Variants in FIBCD1 observed in about 807,000 individuals in gnomAD.
The protein encoded by FIBCD1 is fibrinogen C domain-containing protein 1.
Under a neutral mutation model 45.1 loss-of-function variants are expected in FIBCD1, and 47 were observed. The ratio of observed to expected loss-of-function variants is 1.04; its 90% CI spans 0.82 to 1.33. The LOEUF (loss-of-function observed/expected upper bound fraction) is 1.33. Ranked by LOEUF, FIBCD1 falls within the 40% of genes most tolerant of loss-of-function variation. The probability of loss-of-function intolerance (pLI) is 0.00; values close to 1 mark genes in which losing one functional copy is unlikely to be tolerated. For synonymous variants in FIBCD1, 313 were observed against 308.1 expected (o/e 1.02, Z -0.17); for missense variants, 653 against 682.2 (o/e 0.96, Z 0.48).
intron 2 of FIBCD1, among the ~76,000 whole-genome samples, chr9:130,925,760 T>A (rs1010975080): frequency 6.6e-5 from 10 of 152,010 alleles, no homozygotes; most frequent in African/African-American, 2.2e-4. Context: ...CAGGACCACG[T>A]GGAGGGTGAG....
chr9:130,915,885 A>T (rs1832150230), intron 4 of FIBCD1, among the ~76,000 whole-genome samples: 1 of 152,198 alleles, frequency 6.6e-6, no homozygotes, highest in African/African-American at 2.4e-5. Flanking sequence ...ACACAGGCAC[A>T]CGCATCCAGA....
intron 6 of FIBCD1, among the ~76,000 whole-genome samples, chr9:130,904,852 C>T (rs1476242455): frequency 1.3e-5 from 2 of 152,198 alleles, no homozygotes; most frequent in Non-Finnish European, 2.9e-5. Context: ...CCCCAGAGGG[C>T]CGAAGGGCAT....
chr9:130,921,843 AT>A (rs1041134316), intron 4 of FIBCD1, among the ~76,000 whole-genome samples: 1 of 152,228 alleles, frequency 6.6e-6, no homozygotes, highest in East Asian at 1.9e-4. Flanking sequence ...GCTCCAGTAC[AT>A]TTTTAAAAGC....
At chr9:130,925,337 G>A (rs1342122743) in intron 2 of FIBCD1, among the ~76,000 whole-genome samples, 2 of 152,184 alleles carry the variant, frequency 1.3e-5, no homozygotes, top group African/African-American at 4.8e-5. Context: ...TCCCTAGGGC[G>A]GGCTGGCAGG....
intron 4 of FIBCD1, among the ~76,000 whole-genome samples, chr9:130,912,331 G>A (rs1280100431): frequency 3.3e-5 from 5 of 150,504 alleles, no homozygotes; most frequent in Non-Finnish European, 5.9e-5. Context: ...CCTTGAGCCC[G>A]GGAGGTTAAA....
intron 4 of FIBCD1, among the ~76,000 whole-genome samples, chr9:130,917,994 G>A (rs748311266): frequency 2.0e-5 from 3 of 152,174 alleles, no homozygotes; most frequent in East Asian, 1.9e-4. Context: ...ACAGCACCCC[G>A]TGTGTGCTCG....
Position 130,923,826 on chromosome 9 carries a change from C to T in FIBCD1, c.767G>A (p.Gly256Asp). 1 of 1,612,920 alleles carries T rather than the reference C, an allele frequency of 6.2e-7. No homozygotes were observed. The highest frequency in any genetic ancestry group is 1.7e-5 in the Admixed American group (1 of 60,022). The stretch of plus-strand genomic sequence containing the variant: ...GTGGGTGGGAAAGACAGAGTAGACG[C>T]CATCGTCCTGCTGTCCGCTTAGGAG... ...DVLLSGQQDD[G>D]VYSVFPTHYP... Residue 256 changes from glycine (G) to aspartate (D), a missense_variant, in exon 4 of 7, where the codon GGC becomes GAC. Gly to Asp is a moderately conservative substitution (Grantham distance 94). Coordinates refer to ENST00000372338, the MANE Select transcript of FIBCD1 (RefSeq NM_032843.5).
At chr9:130,927,053 C>G (rs1832373703) in intron 2 of FIBCD1, among the ~76,000 whole-genome samples, 1 of 151,808 alleles carries the variant, frequency 6.6e-6, no homozygotes, top group African/African-American at 2.4e-5. Context: ...GCCTGAGCAC[C>G]ATAGCAAGAC....
chr9:130,930,215 CAGAG>C (rs1832424625), intron 1 of FIBCD1, among the ~76,000 whole-genome samples, 169 bp from the exon 2 acceptor site: 1 of 152,122 alleles, frequency 6.6e-6, no homozygotes, highest in Non-Finnish European at 1.5e-5. Flanking sequence ...CAAGGGGAGA[CAGAG>C]AGACAGGGAC....
intron 1 of FIBCD1, among the ~76,000 whole-genome samples, chr9:130,934,261 G>A (rs956921000): frequency 1.3e-5 from 2 of 152,196 alleles, no homozygotes; most frequent in Non-Finnish European, 2.9e-5. Context: ...GGCCCTGGCA[G>A]AGGGAGGGTC....
At chr9:130,905,145 C>T in intron 6 of FIBCD1, 89 bp downstream of exon 6, 1 of 1,316,480 alleles carries the variant, frequency 7.6e-7, no homozygotes, top group Non-Finnish European at 1.0e-6. Flanking sequence ...ATACATTAGC[C>T]TTGATCATTT....
intron 1 of FIBCD1, among the ~76,000 whole-genome samples, chr9:130,937,336 C>T (rs1415637638): frequency 2.0e-5 from 3 of 152,174 alleles, no homozygotes; most frequent in Non-Finnish European, 4.4e-5. Flanking sequence ...CTCTTGCCAA[C>T]GTGCTGTGTG....
chr9:130,922,464 G>A lies in FIBCD1; in HGVS notation c.849+1280C>T, dbSNP rs549053512. On this transcript the variant is annotated intron_variant, in intron 4 of 6. Coordinates refer to ENST00000372338, the MANE Select transcript of FIBCD1 (RefSeq NM_032843.5). The surrounding 1 kb of genome is among the most constrained non-coding windows in gnomAD (Gnocchi z 4.5). ...TGAGGAAACGGGGGCTCAGAGAACC[G>A]AGGTAAGTTGCCCCAGGTCACACAG... Among the ~76,000 whole-genome samples, 2 of 152,242 alleles carry A rather than the reference G, an allele frequency of 1.3e-5. No homozygotes were observed. Among genetic ancestry groups the A allele is most frequent in the Non-Finnish European group, 2.9e-5 (2 of 68,022 alleles).
At position 130,929,684 on chromosome 9, in the gene FIBCD1, G is replaced by T. The variant is rs1316495161; in HGVS notation, c.435C>A (p.Pro145=). Residue 145 remains proline, a synonymous_variant, in exon 2 of 7, where the codon CCC becomes CCA. Coordinates refer to ENST00000372338, the MANE Select transcript of FIBCD1 (RefSeq NM_032843.5). ...ELLDTLADQL[P]RLLARASELQ... ...GCTCTGAGGCTCGGGCCAGCAGCCG[G>T]GGCAGCTGGTCGGCCAGCGTGTCCA... is the stretch of plus-strand genomic sequence containing the variant. The T allele has an allele frequency of 1.2e-6, 2 of 1,603,958 alleles. No individual in the cohort carries two copies. Among genetic ancestry groups the T allele is most frequent in the East Asian group, 4.5e-5 (2 of 44,686 alleles).
intron 4 of FIBCD1, among the ~76,000 whole-genome samples, chr9:130,919,066 G>A (rs1268267132): frequency 6.6e-6 from 1 of 152,112 alleles, no homozygotes; most frequent in Non-Finnish European, 1.5e-5. Context: ...CTTGGCAGTC[G>A]GCGCCTGCCG....
rs774651493 is a variant in FIBCD1, at chr9:130,903,635, T to G, written c.*429A>C. On this transcript the variant is annotated 3_prime_UTR_variant, in exon 7 of 7. Coordinates refer to ENST00000372338, the MANE Select transcript of FIBCD1 (RefSeq NM_032843.5). ...ACCTGACCTCAGAGAGACCTGACGT[T>G]CCCCACGATCTGCTAGGAGGACTCC... 2.1e-4 allele frequency: 61 copies of G among 288,458 alleles called. No homozygotes were observed. Among genetic ancestry groups the G allele is most frequent in the Non-Finnish European group, 3.8e-4 (56 of 147,406 alleles). The allele number at this position is 288,458 out of a possible 1,614,324, so 17.9% of individuals were successfully genotyped here. A position where few individuals can be genotyped will look rare whatever the true frequency, so the allele number is the denominator to read the frequency against.
chr9:130,903,672 C>CT lies in FIBCD1; in HGVS notation c.*391dup. ...GCTAGGAGGACTCCAGGGGTGCTGT[C>CT]TGCCCCCTGCTCTCTGTCCCCATAA... is the stretch of plus-strand genomic sequence containing the variant. On this transcript the variant is annotated 3_prime_UTR_variant, in exon 7 of 7. Transcript: ENST00000372338. 2.8e-6 allele frequency: 1 copy of CT among 361,762 alleles called. No homozygotes were observed. The highest frequency in any genetic ancestry group is 5.3e-6 in the Non-Finnish European group (1 of 187,128). The allele number at this position is 361,762 out of a possible 1,614,324, so 22.4% of individuals were successfully genotyped here. A position where few individuals can be genotyped will look rare whatever the true frequency, so the allele number is the denominator to read the frequency against.
rs546328023 is a variant in FIBCD1, at chr9:130,926,427, G to A, written c.553-2031C>T. On this transcript the variant is annotated intron_variant, in intron 2 of 6. Coordinates refer to ENST00000372338, the MANE Select transcript of FIBCD1 (RefSeq NM_032843.5). This position sits in a 1 kb window ranked among gnomAD's most constrained non-coding sequence, Gnocchi z 4.1. ...GGGGAGGGCTGGACAGCGCTTAGCG[G>A]TAGTGGTGTCAGAGCTGCTGTCCCC... Among the ~76,000 whole-genome samples, 387 of 152,356 alleles carry A rather than the reference G, an allele frequency of 2.5e-3. 1 individual carries two copies. The highest frequency in any genetic ancestry group is 9.0e-3 in the African/African-American group (374 of 41,580).
chr9:130,907,120 G>GC (rs1184671692), intron 5 of FIBCD1, among the ~76,000 whole-genome samples: 11 of 152,108 alleles, frequency 7.2e-5, no homozygotes, highest in African/African-American at 1.2e-4. Flanking sequence ...AGGGAGACCG[G>GC]CCCCCCGGGG....
Sources: allele counts gnomAD v4.1 joint callset (sites outside exome capture counted in the v4.1 genomes callset), GRCh38; gene constraint gnomAD v4.1.1; non-coding constraint Gnocchi (gnomAD v3.1); transcripts MANE v1.5; gene names NCBI Gene and HGNC (gene_info 2026-07-23, HGNC 2026-07-21).